The following MCHR2 variants were observed in gnomAD, a reference collection of about 807,000 sequenced individuals.
MCHR2 encodes melanin concentrating hormone receptor 2.
In MCHR2, 15 loss-of-function variants were observed where a neutral mutation model predicts 24.8. The ratio of observed to expected loss-of-function variants is 0.60; its 90% CI spans 0.40 to 0.93. The LOEUF is 0.93. Among genes scored for constraint, MCHR2 ranks in the 40% least tolerant of loss-of-function variants. The pLI, the probability that MCHR2 is intolerant of heterozygous loss-of-function variation, is 0.00. For synonymous variants in MCHR2, 151 were observed against 147.6 expected (o/e 1.02, Z -0.17); for missense variants, 386 against 408.7 (o/e 0.94, Z 0.48).
At chr6:99,978,791 A>C (rs2114583404) in intron 1 of MCHR2, among the ~76,000 whole-genome samples, 1 of 152,222 alleles carries the variant, frequency 6.6e-6, no homozygotes, top group South Asian at 2.1e-4. Context: ...GGGGTGGCTA[A>C]AAAAGGCTAG....
At chr6:99,958,685 G>T (rs1775117550) in intron 1 of MCHR2, among the ~76,000 whole-genome samples, 2 of 152,234 alleles carry the variant, frequency 1.3e-5, no homozygotes, top group South Asian at 4.1e-4. Flanking sequence ...TAAGAAACTT[G>T]CATCCAAGGC....
chr6:99,972,611 ATG>A (rs1193827849), intron 1 of MCHR2, among the ~76,000 whole-genome samples: 3 of 152,022 alleles, frequency 2.0e-5, no homozygotes, highest in Non-Finnish European at 4.4e-5. Context: ...TAGCTTTTGA[ATG>A]TGTTTGCTCT....
At chr6:99,938,269 C>A (rs1462755381) in intron 4 of MCHR2, among the ~76,000 whole-genome samples, 1 of 151,660 alleles carries the variant, frequency 6.6e-6, no homozygotes, top group Non-Finnish European at 1.5e-5. Context: ...CTTTCTAATT[C>A]TTTGAGGTAC....
At chr6:99,959,956 T>A (rs1446286736) in intron 1 of MCHR2, among the ~76,000 whole-genome samples, 1 of 151,974 alleles carries the variant, frequency 6.6e-6, no homozygotes, top group African/African-American at 2.4e-5. Context: ...ACAGAAAGCT[T>A]ATTTAAAGAA....
At position 99,969,473 on chromosome 6, in the gene MCHR2, CAAAA is replaced by C. The variant is rs1214316677; in HGVS notation, c.-27-13303_-27-13300del. 9.1e-5 allele frequency among the ~76,000 whole-genome samples: 7 copies of C among 76,830 alleles called. No individual in the cohort carries two copies. The South Asian group carries it at 1.9e-3, about 21-fold the overall frequency. The allele number at this position is 76,830 out of a possible 152,430, so 50.4% of individuals were successfully genotyped here. On this transcript the variant is annotated intron_variant, in intron 1 of 5. Transcript: ENST00000281806. ...GGGTGAGAAGAGCAAGACTCCATCT[CAAAA>C]AAAAAAAAAAAAAAAGAAAAGAAAA...
chr6:99,991,159 A>G (rs879397973), intron 1 of MCHR2, among the ~76,000 whole-genome samples: 36 of 151,756 alleles, frequency 2.4e-4, no homozygotes, highest in Admixed American at 2.2e-3. Context: ...AGTGGGGAAA[A>G]GAGGGGAGCA....
intron 5 of MCHR2, among the ~76,000 whole-genome samples, chr6:99,928,979 C>A (rs1444219147): frequency 3.9e-5 from 6 of 152,022 alleles, no homozygotes; most frequent in Non-Finnish European, 7.3e-5. Flanking sequence ...GCATTTAGTG[C>A]TATAAATTTC....
chr6:99,938,292 T>C (rs1470095789), intron 4 of MCHR2, among the ~76,000 whole-genome samples: 2 of 152,062 alleles, frequency 1.3e-5, no homozygotes, highest in African/African-American at 4.8e-5. Context: ...TCGTGGGTTG[T>C]TTATTTTAAG....
chr6:99,926,435 G>C (rs1400874042), intron 5 of MCHR2, among the ~76,000 whole-genome samples: 2 of 151,954 alleles, frequency 1.3e-5, no homozygotes, highest in African/African-American at 2.4e-5. Flanking sequence ...GGTTGAACTA[G>C]TTTACAGTCC....
chr6:99,970,553 C>A (rs1001391373), intron 1 of MCHR2, among the ~76,000 whole-genome samples: 8 of 152,232 alleles, frequency 5.3e-5, no homozygotes, highest in African/African-American at 1.9e-4. Context: ...TGTGCAGAAG[C>A]TCTTTAGTTT....
At chr6:99,980,239 A>G (rs1433313555) in intron 1 of MCHR2, among the ~76,000 whole-genome samples, 1 of 152,216 alleles carries the variant, frequency 6.6e-6, no homozygotes, top group Non-Finnish European at 1.5e-5. Context: ...CCAGCACCAC[A>G]GTCTCACCTA....
At chr6:99,925,308 T>C (rs1453120868) in intron 5 of MCHR2, among the ~76,000 whole-genome samples, 1 of 152,122 alleles carries the variant, frequency 6.6e-6, no homozygotes, top group Admixed American at 6.5e-5. Context: ...AGTGTGTTTC[T>C]TGAAGGCAAT....
chr6:99,989,255 T>C (rs756231273), intron 1 of MCHR2, among the ~76,000 whole-genome samples: 4 of 151,682 alleles, frequency 2.6e-5, no homozygotes, highest in Non-Finnish European at 5.9e-5. Flanking sequence ...CTGTATCAAA[T>C]TCAAAAAAAA....
At chr6:99,933,286 G>C (rs1277335870) in intron 5 of MCHR2, among the ~76,000 whole-genome samples, 1 of 152,060 alleles carries the variant, frequency 6.6e-6, no homozygotes, top group Admixed American at 6.6e-5. Context: ...GATCCTCTTA[G>C]CATTTCTGAG....
At chr6:99,930,253 T>C (rs1278837479) in intron 5 of MCHR2, among the ~76,000 whole-genome samples, 1 of 152,066 alleles carries the variant, frequency 6.6e-6, no homozygotes, top group Admixed American at 6.5e-5. Context: ...CCGACCTTTC[T>C]CTCTGGCTGC....
intron 1 of MCHR2, among the ~76,000 whole-genome samples, chr6:99,988,392 C>A (rs1235852841): frequency 6.6e-6 from 1 of 152,162 alleles, no homozygotes; most frequent in African/African-American, 2.4e-5. Flanking sequence ...ACAATAAAAG[C>A]CAGAAAGGAC....
At chr6:99,965,119 C>G (rs1775270351) in intron 1 of MCHR2, among the ~76,000 whole-genome samples, 1 of 152,014 alleles carries the variant, frequency 6.6e-6, no homozygotes, top group Non-Finnish European at 1.5e-5. Flanking sequence ...CCTTGGTAGC[C>G]AGTGTTTTAC....
At chr6:99,970,858 A>G (rs1407814205) in intron 1 of MCHR2, among the ~76,000 whole-genome samples, 1 of 151,974 alleles carries the variant, frequency 6.6e-6, no homozygotes, top group Non-Finnish European at 1.5e-5. Flanking sequence ...GTTTGTCAAA[A>G]ATCAGATGGT....
At chr6:99,991,322 T>C (rs1775869890) in intron 1 of MCHR2, among the ~76,000 whole-genome samples, 1 of 152,104 alleles carries the variant, frequency 6.6e-6, no homozygotes, top group South Asian at 2.1e-4. Flanking sequence ...CTTGGGCTTT[T>C]CCTGACAGCC....
Sources: allele counts gnomAD v4.1 joint callset (sites outside exome capture counted in the v4.1 genomes callset), GRCh38; gene constraint gnomAD v4.1.1; transcripts MANE v1.5; gene names NCBI Gene and HGNC (gene_info 2026-07-23, HGNC 2026-07-21).